FAM13B: variants seen among roughly 807,000 people sequenced by gnomAD.
FAM13B encodes the protein family with sequence similarity 13 member B, also known as protein FAM13B.
A neutral mutation model predicts 117.3 loss-of-function variants in FAM13B; 60 were observed. The ratio of observed to expected loss-of-function variants is 0.51; its 90% CI spans 0.42 to 0.63. The LOEUF (loss-of-function observed/expected upper bound fraction) is 0.63. Among genes scored for constraint, FAM13B ranks in the 30% least tolerant of loss-of-function variants. FAM13B has a pLI of 0.00. For missense variants in FAM13B, 972 were observed against 1,091.9 expected (o/e 0.89, Z 1.55); for synonymous variants, 332 against 356.1 (o/e 0.93, Z 0.76).
chr5:138,042,676 A>G (rs1291630919), intron 1 of FAM13B, among the ~76,000 whole-genome samples: 2 of 150,080 alleles, frequency 1.3e-5, no homozygotes, highest in Non-Finnish European at 3.0e-5. Context: ...TATCATAGAC[A>G]TCATGATACT....
chr5:137,969,950 T>G (rs1771517375), intron 10 of FAM13B, among the ~76,000 whole-genome samples: 2 of 151,976 alleles, frequency 1.3e-5, no homozygotes, highest in African/African-American at 4.8e-5. Context: ...CCAAGAAATA[T>G]GGGACTATGT....
chr5:138,028,974 G>A (rs1231262552), intron 1 of FAM13B, among the ~76,000 whole-genome samples: 2 of 152,080 alleles, frequency 1.3e-5, no homozygotes, highest in African/African-American at 4.8e-5. Context: ...AGCCGAGATC[G>A]CCGCCATTGC....
At chr5:137,989,381 T>C (rs1778042373) in intron 7 of FAM13B, among the ~76,000 whole-genome samples, 1 of 152,224 alleles carries the variant, frequency 6.6e-6, no homozygotes, top group African/African-American at 2.4e-5. Context: ...GTAAGCCCTC[T>C]TGGTCTGACA....
rs1214421180 is a variant in FAM13B, at chr5:137,962,390, A to T, written c.1244+15T>A. ...TTCTCAAAATGATTAATTAGCAACA[A>T]GAAAAAATGCTTACCTCTCAAGACA... is the stretch of plus-strand genomic sequence containing the variant. On this transcript the variant is annotated intron_variant, in intron 11 of 23. Coordinates refer to ENST00000689681, the MANE Select transcript of FAM13B (RefSeq NM_001385994.1). The T allele has an allele frequency of 5.6e-6, 9 of 1,611,116 alleles. No individual in the cohort carries two copies. Among genetic ancestry groups the T allele is most frequent in the Non-Finnish European group, 7.6e-6 (9 of 1,178,684 alleles).
intron 1 of FAM13B, among the ~76,000 whole-genome samples, chr5:138,032,126 T>C (rs962328614): frequency 6.6e-6 from 1 of 152,222 alleles, no homozygotes; most frequent in Admixed American, 6.5e-5. Context: ...AGTTTCCCAC[T>C]GCGCAAATGT....
intron 7 of FAM13B, among the ~76,000 whole-genome samples, chr5:138,004,209 C>T (rs1781967229): frequency 6.6e-6 from 1 of 151,620 alleles, no homozygotes; most frequent in South Asian, 2.1e-4. Flanking sequence ...GTGGAGGATG[C>T]AGTGAGCCGA....
At chr5:138,033,089 A>G (rs1581318413), upstream of FAM13B, 1 of 940,834 alleles carries the variant, frequency 1.1e-6, no homozygotes, top group Non-Finnish European at 1.2e-6. Flanking sequence ...TGGCGGGCGG[A>G]GGCCGGGCCG....
chr5:137,957,745 T>C (rs1310462828), intron 13 of FAM13B, among the ~76,000 whole-genome samples: 1 of 152,130 alleles, frequency 6.6e-6, no homozygotes, highest in East Asian at 1.9e-4. Flanking sequence ...GAAGAACAAG[T>C]AGGGGACCTA....
intron 18 of FAM13B, 79 bp downstream of exon 18, chr5:137,948,876 T>C: frequency 9.1e-7 from 1 of 1,096,190 alleles, no homozygotes; most frequent in Non-Finnish European, 1.4e-6. Flanking sequence ...TACCTAGACA[T>C]CTCTACCCTG....
At chr5:138,010,431 C>A (rs1196976497) in intron 6 of FAM13B, among the ~76,000 whole-genome samples, 1 of 152,180 alleles carries the variant, frequency 6.6e-6, no homozygotes, top group African/African-American at 2.4e-5. Flanking sequence ...CATAAGAAGA[C>A]CCTGTCTCTA....
At position 137,942,572 on chromosome 5, in the gene FAM13B, AG is replaced by A; in HGVS notation, c.2588+302del. The stretch of plus-strand genomic sequence containing the variant: ...CAGTCTGGGTCCCACTATATTGCCC[AG>A]GCTGGTCTTGAACTCCTGGCCTCAA... On this transcript the variant is annotated intron_variant, in intron 22 of 23. Transcript: ENST00000689681. The A allele has an allele frequency of 9.4e-6, 3 of 318,284 alleles. No individual in the cohort carries two copies. The South Asian group carries it at 1.3e-4, about 14-fold the overall frequency. The allele number at this position is 318,284 out of a possible 1,614,324, so 19.7% of individuals were successfully genotyped here.
At chr5:137,999,071 G>A (rs1780536544) in intron 7 of FAM13B, among the ~76,000 whole-genome samples, 1 of 151,634 alleles carries the variant, frequency 6.6e-6, no homozygotes, top group South Asian at 2.1e-4. Flanking sequence ...TGCACTCAAG[G>A]CCTGTAATTG....
chr5:137,965,588 TCTCCA>T (rs2150335990), intron 10 of FAM13B, among the ~76,000 whole-genome samples: 1 of 152,170 alleles, frequency 6.6e-6, no homozygotes, highest in East Asian at 1.9e-4. Flanking sequence ...AGGCTACATA[TCTCCA>T]CTCCATTCTG....
At chr5:138,050,652 C>T (rs1251755081) in intron 1 of FAM13B, among the ~76,000 whole-genome samples, 4 of 152,132 alleles carry the variant, frequency 2.6e-5, no homozygotes, top group Non-Finnish European at 5.9e-5. Context: ...GACAAGACTA[C>T]AGAAACACCT....
chr5:137,986,119 C>T (rs949998974), intron 9 of FAM13B, among the ~76,000 whole-genome samples: 1 of 151,714 alleles, frequency 6.6e-6, no homozygotes, highest in South Asian at 2.1e-4. Flanking sequence ...TTCCCTCTCC[C>T]GCCTTTTCCC....
chr5:138,014,127 G>C (rs1784713365), intron 4 of FAM13B, among the ~76,000 whole-genome samples: 1 of 150,512 alleles, frequency 6.6e-6, no homozygotes, highest in Non-Finnish European at 1.5e-5. Flanking sequence ...TGTAACAACA[G>C]GGTCTCCCTA....
chr5:137,971,574 A>T (rs542391833), intron 10 of FAM13B, among the ~76,000 whole-genome samples: 342 of 151,504 alleles, frequency 2.3e-3, no homozygotes, highest in African/African-American at 7.9e-3. Flanking sequence ...GAGCAAACAC[A>T]TTCAAAAGCT....
chr5:137,965,346 C>T (rs569161163), intron 10 of FAM13B, among the ~76,000 whole-genome samples: 1 of 152,226 alleles, frequency 6.6e-6, no homozygotes, highest in South Asian at 2.1e-4. Flanking sequence ...GTGGCAGTGG[C>T]AGCAGCAGGA....
At chr5:138,050,771 A>C (rs1457024969) in intron 1 of FAM13B, among the ~76,000 whole-genome samples, 1 of 152,050 alleles carries the variant, frequency 6.6e-6, no homozygotes, top group Non-Finnish European at 1.5e-5. Flanking sequence ...TCTTAAATAT[A>C]AGCTCTTCCC....
Sources: allele counts gnomAD v4.1 joint callset (sites outside exome capture counted in the v4.1 genomes callset), GRCh38; gene constraint gnomAD v4.1.1; transcripts MANE v1.5; gene names NCBI Gene and HGNC (gene_info 2026-07-23, HGNC 2026-07-21).